Variants in CAMK4 observed in about 807,000 individuals in gnomAD.
CAMK4 encodes calcium/calmodulin dependent protein kinase IV.
A neutral mutation model predicts 44.9 loss-of-function variants in CAMK4; 22 were observed. That is an observed-to-expected ratio of 0.49 (90% confidence interval 0.35 to 0.70). The LOEUF (loss-of-function observed/expected upper bound fraction) is 0.70. CAMK4 is among the 30% of genes least tolerant of loss of function. The pLI is 0.01. For synonymous variants in CAMK4, 218 were observed against 215.4 expected, an observed-to-expected ratio of 1.01 and a Z score of -0.11; for missense variants, 498 against 586.8, an observed-to-expected ratio of 0.85 and a Z score of 1.56.
At chr5:111,434,570 A>G (rs566139833) in intron 5 of CAMK4, among the ~76,000 whole-genome samples, 1 of 152,308 alleles carries the variant, frequency 6.6e-6, no homozygotes, top group Admixed American at 6.5e-5. Flanking sequence ...TCACAGCCAG[A>G]CAGTCCTAAC....
chr5:111,258,549 A>G (rs1409892257), intron 1 of CAMK4, among the ~76,000 whole-genome samples: 1 of 152,152 alleles, frequency 6.6e-6, no homozygotes, highest in Admixed American at 6.5e-5. Context: ...TGATAAGCCC[A>G]TCAGATCTCG....
chr5:111,362,567 A>T (rs969906042), intron 2 of CAMK4, among the ~76,000 whole-genome samples: 2 of 151,940 alleles, frequency 1.3e-5, no homozygotes, highest in Non-Finnish European at 2.9e-5. Context: ...TATATTCCTC[A>T]CTCTTTTTAT....
chr5:111,303,179 G>A (rs9765457), intron 1 of CAMK4, among the ~76,000 whole-genome samples: 7,546 of 34,986 alleles, frequency 0.22, 1,184 homozygotes, highest in African/African-American at 0.35. Context: ...ACTCTAAAAC[G>A]CAGAGCGCCT....
At chr5:111,248,969 TG>T (rs1554054604) in intron 1 of CAMK4, among the ~76,000 whole-genome samples, 2 of 145,146 alleles carry the variant, frequency 1.4e-5, no homozygotes, top group Admixed American at 6.9e-5. Flanking sequence ...GGGCGGTGTG[TG>T]GGGGGGTCAC....
At chr5:111,475,838 G>C (rs1481411984) in intron 8 of CAMK4, among the ~76,000 whole-genome samples, 3 of 152,134 alleles carry the variant, frequency 2.0e-5, no homozygotes, top group Non-Finnish European at 4.4e-5. Context: ...TATTAGATTG[G>C]TTTAATGTAC....
intron 5 of CAMK4, among the ~76,000 whole-genome samples, chr5:111,424,678 A>C (rs1280238414): frequency 6.6e-6 from 1 of 151,446 alleles, no homozygotes; most frequent in Non-Finnish European, 1.5e-5. Flanking sequence ...CGATCTCCTG[A>C]CCTTGCGATC....
At chr5:111,323,226 A>G (rs1412953222) in intron 1 of CAMK4, among the ~76,000 whole-genome samples, 1 of 152,128 alleles carries the variant, frequency 6.6e-6, no homozygotes, top group African/African-American at 2.4e-5. Flanking sequence ...AAAGATAAAG[A>G]GAAAATCTTA....
chr5:111,346,134 C>T (rs11953288), intron 2 of CAMK4, among the ~76,000 whole-genome samples: 6,617 of 151,872 alleles, frequency 0.044, 496 homozygotes, highest in African/African-American at 0.15. Flanking sequence ...ATATAGGTCA[C>T]GGAGACTGAA....
intron 2 of CAMK4, among the ~76,000 whole-genome samples, chr5:111,353,410 G>T (rs1384025293): frequency 2.0e-5 from 3 of 151,734 alleles, no homozygotes; most frequent in African/African-American, 7.3e-5. Context: ...ATATGTGACT[G>T]CTTGAGGTCC....
intron 1 of CAMK4, among the ~76,000 whole-genome samples, chr5:111,317,414 A>G (rs1748471761): frequency 6.6e-6 from 1 of 152,184 alleles, no homozygotes; most frequent in Non-Finnish European, 1.5e-5. Flanking sequence ...TGTTTTAAGA[A>G]AGAATTTGAG....
intron 1 of CAMK4, among the ~76,000 whole-genome samples, chr5:111,331,377 T>C (rs1749162289): frequency 6.6e-6 from 1 of 151,702 alleles, no homozygotes; most frequent in African/African-American, 2.4e-5. Flanking sequence ...TAAATCACAA[T>C]ATGACACCAC....
intron 7 of CAMK4, among the ~76,000 whole-genome samples, chr5:111,455,382 A>C (rs1329771598): frequency 1.3e-5 from 2 of 152,158 alleles, no homozygotes; most frequent in African/African-American, 2.4e-5. Flanking sequence ...TAACCAATTA[A>C]TTCTGTCATA....
intron 5 of CAMK4, among the ~76,000 whole-genome samples, chr5:111,427,515 G>A (rs139260285): frequency 0.018 from 2,802 of 152,294 alleles, 44 homozygotes; most frequent in Non-Finnish European, 0.028. Context: ...CCAGAGGGGA[G>A]CCCACTGCCA....
intron 1 of CAMK4, among the ~76,000 whole-genome samples, chr5:111,327,642 C>G (rs1748958736): frequency 6.6e-6 from 1 of 151,870 alleles, no homozygotes; most frequent in East Asian, 2.0e-4. Context: ...AAAAATGTTC[C>G]TATTTCTCCA....
chr5:111,248,594 C>A (rs1165698806), intron 1 of CAMK4, among the ~76,000 whole-genome samples: 1 of 151,286 alleles, frequency 6.6e-6, no homozygotes, highest in Non-Finnish European at 1.5e-5. Context: ...TGTTTTCTCA[C>A]AGTATCTAGC....
chr5:111,447,111 G>A (rs933896132), intron 6 of CAMK4, among the ~76,000 whole-genome samples: 6 of 152,176 alleles, frequency 3.9e-5, no homozygotes, highest in Admixed American at 1.3e-4. Context: ...ATCTTTTGGA[G>A]ATATTAACTT....
At chr5:111,275,292 G>C (rs1337636252) in intron 1 of CAMK4, among the ~76,000 whole-genome samples, 2 of 151,880 alleles carry the variant, frequency 1.3e-5, no homozygotes, top group African/African-American at 2.4e-5. Context: ...ATTCTCCCGA[G>C]AACAAGACCA....
intron 1 of CAMK4, among the ~76,000 whole-genome samples, chr5:111,309,597 C>T (rs527755265): frequency 1.2e-4 from 19 of 152,120 alleles, no homozygotes; most frequent in Non-Finnish European, 2.9e-5. Context: ...CCTGCTTAGT[C>T]ATCCTCCTGG....
At chr5:111,297,186 T>G (rs1240107742) in intron 1 of CAMK4, among the ~76,000 whole-genome samples, 1 of 152,234 alleles carries the variant, frequency 6.6e-6, no homozygotes, top group Non-Finnish European at 1.5e-5. Flanking sequence ...AAAAATGAGT[T>G]ATTTCTAGCA....
Sources: allele counts gnomAD v4.1 joint callset (sites outside exome capture counted in the v4.1 genomes callset), GRCh38; gene constraint gnomAD v4.1.1; transcripts MANE v1.5; gene names NCBI Gene and HGNC (gene_info 2026-07-23, HGNC 2026-07-21).